TPTE: variants seen among roughly 807,000 people sequenced by gnomAD.
The protein encoded by TPTE is putative tyrosine-protein phosphatase TPTE.
Under a neutral mutation model 84.1 loss-of-function variants are expected in TPTE, and 59 were observed. The observed-to-expected ratio is 0.70, with a 90% CI of 0.57 to 0.87. TPTE has a LOEUF of 0.87. TPTE is among the 40% of genes least tolerant of loss of function. The pLI, the probability that TPTE is intolerant of heterozygous loss-of-function variation, is 0.00. For synonymous variants in TPTE, 130 were observed against 223.5 expected, an observed-to-expected ratio of 0.58 and a Z score of 3.73; for missense variants, 382 against 659.6, an observed-to-expected ratio of 0.58 and a Z score of 4.61.
chr21:10,541,361 A>G (rs1175806772), intron 5 of TPTE, among the ~76,000 whole-genome samples, 196 bp downstream of exon 5: 1 of 152,302 alleles, frequency 6.6e-6, no homozygotes. Flanking sequence ...AATCCCAGCT[A>G]CTCAGGAGAC....
intron 17 of TPTE, among the ~76,000 whole-genome samples, chr21:10,589,425 G>A: frequency 6.6e-6 from 1 of 152,428 alleles, no homozygotes; most frequent in East Asian, 1.9e-4. Context: ...TGTTGCCCCA[G>A]GCAATGGGCT....
At chr21:10,543,448 C>T in intron 7 of TPTE, 66 bp downstream of exon 7, 1 of 1,610,922 alleles carries the variant, frequency 6.2e-7, no homozygotes, top group Admixed American at 1.7e-5. Context: ...ACACACCAAG[C>T]ACATACACAA....
chr21:10,537,046 T>C (rs1471064880), intron 3 of TPTE, among the ~76,000 whole-genome samples: 1 of 152,308 alleles, frequency 6.6e-6, no homozygotes, highest in Non-Finnish European at 1.5e-5. Context: ...TGGGGCAGTT[T>C]CTTGACCCTG....
chr21:10,604,077 A>C (rs1230833013), intron 23 of TPTE, among the ~76,000 whole-genome samples: 16 of 152,268 alleles, frequency 1.1e-4, no homozygotes, highest in Non-Finnish European at 1.6e-4. Context: ...ACACACTTAT[A>C]TCTAGGAGAA....
chr21:10,551,013 GA>G (rs1363026013), intron 7 of TPTE, among the ~76,000 whole-genome samples: 4 of 152,302 alleles, frequency 2.6e-5, no homozygotes, highest in African/African-American at 9.6e-5. Context: ...AGTGAGTGAA[GA>G]AAGAAATTAA....
At chr21:10,570,354 T>A (rs2075017061) in intron 13 of TPTE, 131 bp from the exon 14 acceptor site, 2 of 1,496,628 alleles carry the variant, frequency 1.3e-6, no homozygotes, top group Non-Finnish European at 1.8e-6. Context: ...TATTAGCTCT[T>A]TTCTGTCAAC....
chr21:10,605,180 C>T (rs1979126450), intron 23 of TPTE, among the ~76,000 whole-genome samples: 1 of 152,306 alleles, frequency 6.6e-6, no homozygotes, highest in African/African-American at 2.4e-5. Context: ...TCATTAATTC[C>T]ATATAAAGCA....
At chr21:10,560,197 T>G (rs1053141888) in intron 9 of TPTE, among the ~76,000 whole-genome samples, 1 of 152,290 alleles carries the variant, frequency 6.6e-6, no homozygotes, top group African/African-American at 2.4e-5. Flanking sequence ...ATTCTATAAT[T>G]ATTAGTAAAG....
chr21:10,557,433 A>G (rs212103), intron 8 of TPTE, among the ~76,000 whole-genome samples: 15,110 of 147,022 alleles, frequency 0.1, 7 homozygotes, highest in African/African-American at 0.29. Context: ...CCACTTCTTC[A>G]TGCCTTCATA....
intron 10 of TPTE, among the ~76,000 whole-genome samples, chr21:10,565,292 C>G (rs1180338592): frequency 6.6e-6 from 1 of 152,418 alleles, no homozygotes; most frequent in South Asian, 2.1e-4. Flanking sequence ...AGAAATTAAC[C>G]TAACCAAAGA....
chr21:10,540,603 C>A, intron 4 of TPTE: 1 of 514,726 alleles, frequency 1.9e-6, no homozygotes, highest in South Asian at 1.4e-5. Context: ...GGAATTATTT[C>A]ACCCCCTCCA....
intron 3 of TPTE, among the ~76,000 whole-genome samples, chr21:10,529,007 A>G (rs1309013131): frequency 2.0e-5 from 3 of 152,256 alleles, no homozygotes; most frequent in African/African-American, 7.2e-5. Flanking sequence ...CATATGGTAA[A>G]ACCGCGTCTC....
chr21:10,541,644 A>G (rs1204088415), intron 5 of TPTE, among the ~76,000 whole-genome samples: 2 of 152,306 alleles, frequency 1.3e-5, no homozygotes, highest in South Asian at 2.1e-4. Flanking sequence ...ACATTTTTAC[A>G]TTGTTTAGAA....
At chr21:10,548,274 C>A (rs1200355322) in intron 7 of TPTE, among the ~76,000 whole-genome samples, 1 of 152,300 alleles carries the variant, frequency 6.6e-6, no homozygotes, top group African/African-American at 2.4e-5. Flanking sequence ...GGCCACCCCA[C>A]ACAGAAACAC....
At chr21:10,537,117 T>A (rs376326352) in intron 3 of TPTE, among the ~76,000 whole-genome samples, 74 of 152,378 alleles carry the variant, frequency 4.9e-4, no homozygotes, top group African/African-American at 1.7e-3. Flanking sequence ...GGGATTTTAG[T>A]GTCAGGAAAT....
chr21:10,541,494 GCACA>G (rs71250996), intron 5 of TPTE, among the ~76,000 whole-genome samples: 1 of 151,916 alleles, frequency 6.6e-6, no homozygotes, highest in East Asian at 1.9e-4. Context: ...AAAAAAAGAT[GCACA>G]CACACACACA....
intron 18 of TPTE, among the ~76,000 whole-genome samples, 165 bp from the exon 19 acceptor site, chr21:10,592,128 G>A: frequency 6.6e-6 from 1 of 152,310 alleles, no homozygotes; most frequent in African/African-American, 2.4e-5. Flanking sequence ...TCCTGCCACT[G>A]TACTCCAGTC....
At chr21:10,535,646 G>T (rs2074253934) in intron 3 of TPTE, among the ~76,000 whole-genome samples, 1 of 152,308 alleles carries the variant, frequency 6.6e-6, no homozygotes, top group Non-Finnish European at 1.5e-5. Context: ...TACTACTAGA[G>T]TGGGCCAAAG....
Position 10,541,149 on chromosome 21 carries a change from C to G in TPTE, c.49C>G (p.Leu17Val), listed in dbSNP as rs2074362465. 6.2e-7 allele frequency: 1 copy of G among 1,613,302 alleles called. No individual in the cohort carries two copies. Among genetic ancestry groups the G allele is most frequent in the African/African-American group, 1.3e-5 (1 of 75,056 alleles). Residue 17 changes from leucine to valine, a missense_variant, in exon 5 of 24, where the codon CTC becomes GTC. Leu to Val is a conservative substitution (Grantham distance 32, BLOSUM62 1). Around this residue, in one of 10 missense-constraint regions of TPTE, gnomAD observed 63 missense variants for 49.5 expected, o/e 1.27. Coordinates refer to ENST00000618007, the MANE Select transcript of TPTE (RefSeq NM_199261.4). ...PTDLAGVIIE[L>V]GPNDSPQTSE... ...TGACCTGGCGGGAGTCATCATTGAG[C>G]TCGGCCCCAATGACAGGTGAGTTAT...
Sources: allele counts gnomAD v4.1 joint callset (sites outside exome capture counted in the v4.1 genomes callset), GRCh38; gene constraint gnomAD v4.1.1; regional missense constraint gnomAD v4.1.1; transcripts MANE v1.5; gene names NCBI Gene and HGNC (gene_info 2026-07-23, HGNC 2026-07-21).